The following IGSF21 variants were observed in gnomAD, a reference collection of about 807,000 sequenced individuals.
IGSF21 encodes the protein immunoglobulin superfamily member 21.
IGSF21 carries 28 observed loss-of-function variants against 46.8 expected under a neutral mutation model. The ratio of observed to expected loss-of-function variants is 0.60; its 90% CI spans 0.44 to 0.82. The LOEUF is 0.82. Ranked by LOEUF, IGSF21 falls within the 40% of genes least tolerant of loss-of-function variation. The pLI is 0.00. For missense variants in IGSF21, 624 were observed against 665.5 expected (o/e 0.94, Z 0.69); for synonymous variants, 284 against 273.6 (o/e 1.04, Z -0.38).
rs148555976 is a variant in IGSF21, at chr1:18,166,430, C to T, written c.70+58232C>T. 7.3e-4 allele frequency among the ~76,000 whole-genome samples: 111 copies of T among 152,226 alleles called. 1 individual carries two copies. Among genetic ancestry groups the T allele is most frequent in the African/African-American group, 2.6e-3 (106 of 41,556 alleles). The stretch of plus-strand genomic sequence containing the variant: ...TCCCTGGCCTGAAGTCCTGGCAATT[C>T]GCACAGCCGCAGGGTGACCTTGGGC... On this transcript the variant is annotated intron_variant, in intron 1 of 9. Coordinates refer to ENST00000251296, the MANE Select transcript of IGSF21 (RefSeq NM_032880.5).
At chr1:18,287,074 G>T (rs970759910) in intron 2 of IGSF21, among the ~76,000 whole-genome samples, 1 of 150,902 alleles carries the variant, frequency 6.6e-6, no homozygotes, top group Non-Finnish European at 1.5e-5. Flanking sequence ...CCAGCTACTT[G>T]GGAGGCTGAG....
At chr1:18,242,968 G>A (rs144736162) in intron 2 of IGSF21, among the ~76,000 whole-genome samples, 1 of 152,286 alleles carries the variant, frequency 6.6e-6, no homozygotes, top group East Asian at 1.9e-4. Context: ...GCAAGTAGAG[G>A]TGAGAGCAGG....
intron 2 of IGSF21, among the ~76,000 whole-genome samples, chr1:18,248,566 T>C (rs2084805967): frequency 6.6e-6 from 1 of 152,136 alleles, no homozygotes; most frequent in South Asian, 2.1e-4. Context: ...CTTGAGAGAT[T>C]CATTCAATGT....
At chr1:18,374,368 T>C (rs2086258138) in intron 6 of IGSF21, among the ~76,000 whole-genome samples, 1 of 152,214 alleles carries the variant, frequency 6.6e-6, no homozygotes, top group African/African-American at 2.4e-5. Context: ...ATGTTAGCCA[T>C]CAAACCTGCC....
chr1:18,280,037 A>T (rs1217025742), intron 2 of IGSF21, among the ~76,000 whole-genome samples: 3 of 152,216 alleles, frequency 2.0e-5, no homozygotes, highest in Non-Finnish European at 4.4e-5. Flanking sequence ...CATCTGTCCC[A>T]TGATGAGCCC....
At chr1:18,144,822 A>T (rs2086450776) in intron 1 of IGSF21, among the ~76,000 whole-genome samples, 1 of 152,036 alleles carries the variant, frequency 6.6e-6, no homozygotes, top group Non-Finnish European at 1.5e-5. Flanking sequence ...GTTCTTCGTG[A>T]CCTTGAGTAA....
chr1:18,121,375 C>T (rs892687745), intron 1 of IGSF21, among the ~76,000 whole-genome samples: 1 of 152,188 alleles, frequency 6.6e-6, no homozygotes, highest in Non-Finnish European at 1.5e-5. Flanking sequence ...TCTTAGCTCC[C>T]AGCTACTAAG....
chr1:18,311,064 T>G (rs1414768610), intron 3 of IGSF21, among the ~76,000 whole-genome samples: 1 of 152,196 alleles, frequency 6.6e-6, no homozygotes, highest in Admixed American at 6.5e-5. Flanking sequence ...TCTCAGGGGT[T>G]AGGATTCAAC....
intron 2 of IGSF21, among the ~76,000 whole-genome samples, chr1:18,241,721 G>A (rs1038827955): frequency 6.6e-6 from 1 of 152,144 alleles, no homozygotes; most frequent in Admixed American, 6.5e-5. Flanking sequence ...CACTGCTGTA[G>A]CGGTGCGTTC....
At chr1:18,126,080 C>A (rs2086272413) in intron 1 of IGSF21, among the ~76,000 whole-genome samples, 1 of 152,092 alleles carries the variant, frequency 6.6e-6, no homozygotes, top group African/African-American at 2.4e-5. Flanking sequence ...TAGCAGCCGG[C>A]CTTTGGTTTT....
intron 1 of IGSF21, among the ~76,000 whole-genome samples, chr1:18,206,171 G>A (rs570199664): frequency 1.3e-5 from 2 of 152,300 alleles, no homozygotes; most frequent in South Asian, 4.2e-4. Flanking sequence ...ATTTGAGACT[G>A]GGTAGTCAAG....
chr1:18,275,457 C>T (rs2085091259), intron 2 of IGSF21, among the ~76,000 whole-genome samples: 1 of 152,170 alleles, frequency 6.6e-6, no homozygotes, highest in Admixed American at 6.5e-5. Flanking sequence ...CCAGCTGCCT[C>T]TCCCACCGGG....
intron 1 of IGSF21, among the ~76,000 whole-genome samples, chr1:18,137,553 C>A (rs1158770604): frequency 1.3e-5 from 2 of 152,126 alleles, no homozygotes; most frequent in Non-Finnish European, 2.9e-5. Context: ...AGAGGCAGCA[C>A]CATATTTCAT....
chr1:18,366,884 A>C (rs1032336192), intron 6 of IGSF21, among the ~76,000 whole-genome samples: 1 of 152,176 alleles, frequency 6.6e-6, no homozygotes, highest in Non-Finnish European at 1.5e-5. Flanking sequence ...CCACTGACTC[A>C]GGGCAGGGAA....
At chr1:18,165,109 C>T (rs2086666496) in intron 1 of IGSF21, among the ~76,000 whole-genome samples, 1 of 151,964 alleles carries the variant, frequency 6.6e-6, no homozygotes, top group African/African-American at 2.4e-5. Flanking sequence ...GTATATGTGC[C>T]ACATTTTCTT....
intron 1 of IGSF21, among the ~76,000 whole-genome samples, chr1:18,227,506 G>T (rs1341304): frequency 6.6e-6 from 1 of 151,584 alleles, no homozygotes; most frequent in Non-Finnish European, 1.5e-5. Context: ...ACTCTAAAAA[G>T]GGGTGGAGGG....
intron 1 of IGSF21, among the ~76,000 whole-genome samples, chr1:18,201,400 C>G (rs1226751426): frequency 1.3e-5 from 2 of 152,200 alleles, no homozygotes; most frequent in African/African-American, 4.8e-5. Flanking sequence ...GCTAATCCAG[C>G]AGCAAACACA....
chr1:18,123,555 G>A (rs921430233), intron 1 of IGSF21, among the ~76,000 whole-genome samples: 1 of 152,236 alleles, frequency 6.6e-6, no homozygotes, highest in Non-Finnish European at 1.5e-5. Context: ...GTTGACATAG[G>A]TACCAAGTCC....
rs763085640 is a variant in IGSF21 at position 18,290,956 on chromosome 1, G to C, written c.184-910G>C. On this transcript the variant is annotated intron_variant, in intron 2 of 9. Coordinates refer to ENST00000251296, the MANE Select transcript of IGSF21 (RefSeq NM_032880.5). This position sits in a 1 kb window ranked among gnomAD's most constrained non-coding sequence, Gnocchi z 4.2. Reference sequence around the variant, plus strand: ...AGCGCAGAGCCCAGCTGAGCTGCGAGAGGCTGCAAGCTCCCAGTCTATAAT... The same window carrying C: ...AGCGCAGAGCCCAGCTGAGCTGCGACAGGCTGCAAGCTCCCAGTCTATAAT... 1.6e-4 allele frequency among the ~76,000 whole-genome samples: 25 copies of C among 152,170 alleles called. No individual in the cohort carries two copies. The highest frequency in any genetic ancestry group is 1.3e-4 in the Admixed American group (2 of 15,282).
Sources: allele counts gnomAD v4.1 joint callset (sites outside exome capture counted in the v4.1 genomes callset), GRCh38; gene constraint gnomAD v4.1.1; non-coding constraint Gnocchi (gnomAD v3.1); transcripts MANE v1.5; gene names NCBI Gene and HGNC (gene_info 2026-07-23, HGNC 2026-07-21).